EVA1C: variants seen among roughly 807,000 people sequenced by gnomAD.
EVA1C encodes eva-1 homolog C.
EVA1C carries 25 observed loss-of-function variants against 45.4 expected under a neutral mutation model. The ratio of observed to expected loss-of-function variants is 0.55; its 90% CI spans 0.40 to 0.77. The LOEUF is 0.77. EVA1C is among the 30% of genes least tolerant of loss of function. The pLI, the probability that EVA1C is intolerant of heterozygous loss-of-function variation, is 0.00. For synonymous variants in EVA1C, 190 were observed against 221.2 expected, an observed-to-expected ratio of 0.86 and a Z score of 1.25; for missense variants, 479 against 554.8, an observed-to-expected ratio of 0.86 and a Z score of 1.37.
intron 7 of EVA1C, among the ~76,000 whole-genome samples, chr21:32,514,136 G>A (rs777517299): frequency 2.6e-5 from 4 of 152,170 alleles, no homozygotes; most frequent in Non-Finnish European, 4.4e-5. Context: ...AGTGACTCAA[G>A]CGTCCGTGAA....
chr21:32,428,749 G>A (rs2034583919), intron 1 of EVA1C: 1 of 152,202 alleles, frequency 6.6e-6, no homozygotes. Context: ...AGAATGTCAT[G>A]TTTACGATTC....
In EVA1C at chr21:32,511,918, G is replaced by A. The variant is rs1480826455; in HGVS notation, c.950-2896G>A. Among the ~76,000 whole-genome samples the A allele has an allele frequency of 2.0e-5, 3 of 151,966 alleles. No homozygotes were observed. The East Asian group carries it at 5.8e-4, about 29-fold the overall frequency. On this transcript the variant is annotated intron_variant, in intron 7 of 7. Transcript: ENST00000300255. The stretch of plus-strand genomic sequence containing the variant: ...GAGAGCAGGCAAATAAACAGTTCCC[G>A]ACCCACCAGCAGGAGAGTGGGTGAA...
At chr21:32,425,433 C>T (rs2034454513) in intron 1 of EVA1C, among the ~76,000 whole-genome samples, 1 of 151,718 alleles carries the variant, frequency 6.6e-6, no homozygotes, top group Non-Finnish European at 1.5e-5. Flanking sequence ...ATTCTCCTGT[C>T]TCAGCCTCCC....
At chr21:32,427,406 G>T (rs2034529331) in intron 1 of EVA1C, among the ~76,000 whole-genome samples, 1 of 152,152 alleles carries the variant, frequency 6.6e-6, no homozygotes, top group Non-Finnish European at 1.5e-5. Context: ...TTACCGCTGG[G>T]TATAGACAGT....
chr21:32,515,296 T>C lies in EVA1C; in HGVS notation c.*106T>C. 1 of 1,284,598 alleles carries C rather than the reference T, an allele frequency of 7.8e-7. No individual in the cohort carries two copies. The highest frequency in any genetic ancestry group is 1.1e-6 in the Non-Finnish European group (1 of 934,864). 79.6% of individuals were successfully genotyped at this position (1,284,598 alleles called of 1,614,324 possible). On this transcript the variant is annotated 3_prime_UTR_variant, in exon 8 of 8. Transcript: ENST00000300255. The stretch of plus-strand genomic sequence containing the variant: ...ACCTTCTATGAAGGAGAATTCGTCA[T>C]GTCATTCAACACTCGTGAGGCCAGG...
At chr21:32,475,923 CTATCTATA>C (rs1350635610) in intron 4 of EVA1C, among the ~76,000 whole-genome samples, 6 of 150,420 alleles carry the variant, frequency 4.0e-5, no homozygotes, top group African/African-American at 1.5e-4. Flanking sequence ...ATCTATCTAT[CTATCTATA>C]TAAACAGGAA....
Position 32,515,292 on chromosome 21 carries a change from G to C in EVA1C, c.*102G>C. Reference sequence around the variant, plus strand: ...CTGTACCTTCTATGAAGGAGAATTCGTCATGTCATTCAACACTCGTGAGGC... The same window carrying C: ...CTGTACCTTCTATGAAGGAGAATTCCTCATGTCATTCAACACTCGTGAGGC... On this transcript the variant is annotated 3_prime_UTR_variant, in exon 8 of 8. Coordinates refer to ENST00000300255, the MANE Select transcript of EVA1C (RefSeq NM_058187.5). 1.5e-6 allele frequency: 2 copies of C among 1,310,010 alleles called. No individual in the cohort carries two copies. The highest frequency in any genetic ancestry group is 1.0e-6 in the Non-Finnish European group (1 of 958,114). 81.1% of individuals were successfully genotyped at this position (1,310,010 alleles called of 1,614,324 possible). A position where few individuals can be genotyped will look rare whatever the true frequency, so the allele number is the denominator to read the frequency against.
chr21:32,479,480 T>C (rs2036699476), intron 4 of EVA1C, among the ~76,000 whole-genome samples: 1 of 151,762 alleles, frequency 6.6e-6, no homozygotes, highest in Admixed American at 6.6e-5. Flanking sequence ...AAAATCAGCC[T>C]TGGAGGGAAA....
At chr21:32,434,464 A>G (rs976278419) in intron 1 of EVA1C, among the ~76,000 whole-genome samples, 29 of 151,368 alleles carry the variant, frequency 1.9e-4, no homozygotes, top group African/African-American at 5.8e-4. Flanking sequence ...GGTGGTGGGC[A>G]CCTGTAGTCC....
At chr21:32,416,335 T>TC (rs2034045889) in intron 1 of EVA1C, among the ~76,000 whole-genome samples, 1 of 149,048 alleles carries the variant, frequency 6.7e-6, no homozygotes, top group Non-Finnish European at 1.5e-5. Context: ...TTTTTTTTTT[T>TC]TTTTTCTTTT....
intron 1 of EVA1C, among the ~76,000 whole-genome samples, chr21:32,413,303 C>T (rs761039787): frequency 6.6e-6 from 1 of 152,254 alleles, no homozygotes; most frequent in Non-Finnish European, 1.5e-5. Context: ...GAGCCACGCT[C>T]GTTCTATGGA....
intron 4 of EVA1C, among the ~76,000 whole-genome samples, chr21:32,480,339 A>C (rs527374530): frequency 4.8e-5 from 7 of 147,030 alleles, no homozygotes; most frequent in Non-Finnish European, 1.0e-4. Flanking sequence ...GTACATTCAT[A>C]AAATGAAAGA....
chr21:32,440,930 G>A (rs1330085484), intron 1 of EVA1C, among the ~76,000 whole-genome samples: 2 of 152,148 alleles, frequency 1.3e-5, no homozygotes, highest in East Asian at 1.9e-4. Flanking sequence ...GAGAAAACCC[G>A]TCTTTATTAA....
At chr21:32,456,491 G>A (rs1341043518) in intron 2 of EVA1C, among the ~76,000 whole-genome samples, 2 of 152,150 alleles carry the variant, frequency 1.3e-5, no homozygotes, top group Non-Finnish European at 2.9e-5. Flanking sequence ...CACCTTCTGG[G>A]GTCTGAGGGG....
intron 4 of EVA1C, among the ~76,000 whole-genome samples, chr21:32,481,656 C>T (rs1301873065): frequency 9.2e-5 from 14 of 152,052 alleles, no homozygotes; most frequent in Non-Finnish European, 1.9e-4. Flanking sequence ...TCTCACTGTT[C>T]AAAAACTGTC....
intron 1 of EVA1C, 83 bp downstream of exon 1, chr21:32,413,096 G>A: frequency 1.7e-6 from 2 of 1,163,104 alleles, no homozygotes; most frequent in Non-Finnish European, 2.2e-6. Context: ...CCGCACCAGT[G>A]GACACGGCGG....
Position 32,453,298 on chromosome 21 carries a change from T to A in EVA1C, c.161-14T>A, listed in dbSNP as rs757018230. ...GTTCCTGGGCCTCTAGTAACTCGAC[T>A]GAATATTTTCCAGGTTACCTAACCA... is the stretch of plus-strand genomic sequence containing the variant. On this transcript the variant is annotated splice_polypyrimidine_tract_variant and intron_variant, in intron 1 of 7. Transcript: ENST00000300255. The A allele has an allele frequency of 6.3e-7, 1 of 1,584,278 alleles. No individual in the cohort carries two copies. The highest frequency in any genetic ancestry group is 1.7e-5 in the Admixed American group (1 of 59,614).
intron 5 of EVA1C, among the ~76,000 whole-genome samples, chr21:32,499,576 T>C (rs1290598121): frequency 6.6e-6 from 1 of 152,230 alleles, no homozygotes; most frequent in Non-Finnish European, 1.5e-5. Flanking sequence ...CAGAAGAATT[T>C]AGTTAAGCCC....
intron 1 of EVA1C, among the ~76,000 whole-genome samples, chr21:32,436,159 G>T (rs1233649726): frequency 6.6e-6 from 1 of 152,222 alleles, no homozygotes; most frequent in Non-Finnish European, 1.5e-5. Flanking sequence ...TGCCTCCTGG[G>T]TTCAAGCCAT....
Sources: gnomAD v4.1 joint callset for allele counts (sites outside exome capture counted in the v4.1 genomes callset) on GRCh38, gnomAD v4.1.1 for gene constraint, MANE v1.5 for transcripts, NCBI Gene and HGNC (gene_info 2026-07-23, HGNC 2026-07-21) for gene names.